The following ATIC variants were observed in gnomAD, a reference collection of about 807,000 sequenced individuals.
ATIC encodes bifunctional purine biosynthesis protein ATIC.
ATIC carries 64 observed loss-of-function variants against 72.5 expected under a neutral mutation model. The observed-to-expected ratio is 0.88, with a 90% CI of 0.72 to 1.09. The LOEUF (loss-of-function observed/expected upper bound fraction) is 1.09. Among genes scored for constraint, ATIC ranks in the 50% least tolerant of loss-of-function variants. The pLI, the probability that ATIC is intolerant of heterozygous loss-of-function variation, is 0.00. For missense variants in ATIC, 787 were observed against 732.4 expected (o/e 1.07, Z -0.86); for synonymous variants, 281 against 267.1 (o/e 1.05, Z -0.51).
At chr2:215,361,266 A>G in the ATIC span, 2 of 376,280 alleles carry the variant, frequency 5.3e-6, no homozygotes, top group South Asian at 3.2e-5. Flanking sequence ...ATGCTTTCCT[A>G]TTGATCCCAA....
At chr2:215,349,808 T>C (rs2053115607), downstream of ATIC, 1 of 1,365,106 alleles carries the variant, frequency 7.3e-7, no homozygotes, top group South Asian at 1.2e-5. Context: ...AGATGCAGGC[T>C]CTTTGAACTG....
chr2:215,326,696 G>A, intron 6 of ATIC, 126 bp from the exon 7 acceptor site: 2 of 1,121,556 alleles, frequency 1.8e-6, no homozygotes, highest in East Asian at 2.4e-5. Flanking sequence ...TGGTGTCATC[G>A]TGTTGTGCAG....
rs558922146 is a variant in ATIC at position 215,334,129 on chromosome 2, T to C, written c.922+672T>C. 2.6e-5 allele frequency among the ~76,000 whole-genome samples: 4 copies of C among 152,058 alleles called. No individual in the cohort carries two copies. The South Asian group carries it at 8.3e-4, about 32-fold the overall frequency. On this transcript the variant is annotated intron_variant, in intron 9 of 15. Coordinates refer to ENST00000236959, the MANE Select transcript of ATIC (RefSeq NM_004044.7). ...TCAATGTAATTTTGCTAATTTAGGCTATTGAATGCATTTGTTATTGTTTAA... is the reference window on the plus strand; with the variant it reads ...TCAATGTAATTTTGCTAATTTAGGCCATTGAATGCATTTGTTATTGTTTAA...
chr2:215,337,392 C>T (rs1470292864), intron 11 of ATIC, among the ~76,000 whole-genome samples: 2 of 152,016 alleles, frequency 1.3e-5, no homozygotes, highest in Admixed American at 1.3e-4. Flanking sequence ...TTTTTAGCCA[C>T]TTGACAGTCT....
chr2:215,361,844 TAA>T, the ATIC span: 171 of 1,345,352 alleles, frequency 1.3e-4, no homozygotes, highest in Admixed American at 2.7e-4. Flanking sequence ...GTGTTTCACT[TAA>T]GTCATTTATG....
chr2:215,364,106 G>C, the ATIC span, among the ~76,000 whole-genome samples: 1 of 152,132 alleles, frequency 6.6e-6, no homozygotes, highest in Non-Finnish European at 1.5e-5. Flanking sequence ...GTATTTGTCA[G>C]ACCCACTTAG....
At chr2:215,365,840 C>A in the ATIC span, 1 of 237,190 alleles carries the variant, frequency 4.2e-6, no homozygotes, top group Non-Finnish European at 7.8e-6. Flanking sequence ...AAGTCTTTCT[C>A]TGTCGCCCAG....
intron 12 of ATIC, among the ~76,000 whole-genome samples, chr2:215,343,390 G>A (rs1212429954): frequency 6.6e-6 from 1 of 152,116 alleles, no homozygotes; most frequent in Non-Finnish European, 1.5e-5. Flanking sequence ...AGACTGGAGT[G>A]CAGTGGCATG....
chr2:215,346,847 A>T lies in ATIC; in HGVS notation c.1409A>T (p.His470Leu), dbSNP rs1274839431. ...GCAAACTATTGGTGGCTTAGACACC[A>T]TCCACAAGTGCTTTCGATGAAGTTT... ...DKANYWWLRH[H>L]PQVLSMKFKT... is the part of the protein sequence containing the mutation. Residue 470 changes from histidine (H) to leucine (L), a missense_variant, in exon 14 of 16, where the codon CAT (histidine) becomes CTT (leucine). Coordinates refer to ENST00000236959, the MANE Select transcript of ATIC (RefSeq NM_004044.7). 6.2e-7 allele frequency: 1 copy of T among 1,614,224 alleles called. No individual in the cohort carries two copies. The highest frequency in any genetic ancestry group is 8.5e-7 in the Non-Finnish European group (1 of 1,180,038).
At chr2:215,350,135 A>G (rs1313952963), downstream of ATIC, among the ~76,000 whole-genome samples, 1 of 151,402 alleles carries the variant, frequency 6.6e-6, no homozygotes, top group African/African-American at 2.4e-5. Context: ...CATTTTTTTA[A>G]TTTGTTATTT....
At chr2:215,364,365 G>T in the ATIC span, 1 of 191,344 alleles carries the variant, frequency 5.2e-6, no homozygotes, top group Non-Finnish European at 1.1e-5. Flanking sequence ...GGAGTTGGAG[G>T]CCTAGAGCTA....
the ATIC span, among the ~76,000 whole-genome samples, chr2:215,366,336 A>G: frequency 6.6e-6 from 1 of 152,176 alleles, no homozygotes; most frequent in African/African-American, 2.4e-5. Flanking sequence ...ATGAAAAATC[A>G]CTTTTGGATT....
chr2:215,346,383 T>A (rs559918620), intron 13 of ATIC, among the ~76,000 whole-genome samples: 1 of 152,140 alleles, frequency 6.6e-6, no homozygotes, highest in Admixed American at 6.5e-5. Context: ...CCCAGGCTGG[T>A]CTCCTGAGCT....
intron 6 of ATIC, among the ~76,000 whole-genome samples, chr2:215,326,361 T>C (rs373598215): frequency 8.5e-5 from 13 of 152,128 alleles, no homozygotes; most frequent in Middle Eastern, 3.4e-3. Flanking sequence ...TCCTAGCACT[T>C]TGGGAGGCCG....
chr2:215,349,191 T>G lies in ATIC; in HGVS notation c.1601T>G (p.Val534Gly). ...GAATGGGTTGAGAAACTGACTGAAG[T>G]TTCTATCAGCTCTGATGCCTTCTTC... ...KKEWVEKLTE[V>G]SISSDAFFPF... is the part of the protein sequence containing the mutation. Residue 534 changes from valine (V) to glycine (G), a missense_variant, in exon 15 of 16, where the codon GTT becomes GGT. Transcript: ENST00000236959. The G allele has an allele frequency of 6.2e-7, 1 of 1,614,158 alleles. No individual in the cohort carries two copies. The highest frequency in any genetic ancestry group is 1.3e-5 in the African/African-American group (1 of 75,042).
At chr2:215,363,970 G>A in the ATIC span, among the ~76,000 whole-genome samples, 1 of 152,120 alleles carries the variant, frequency 6.6e-6, no homozygotes, top group Non-Finnish European at 1.5e-5. Flanking sequence ...GCCCACCTGG[G>A]CCAGCTCCTT....
At position 215,346,891 on chromosome 2, in the gene ATIC, G is replaced by C; in HGVS notation, c.1453G>C (p.Ala485Pro). 1 of 1,614,190 alleles carries C rather than the reference G, an allele frequency of 6.2e-7. No individual in the cohort carries two copies. Among genetic ancestry groups the C allele is most frequent in the Non-Finnish European group, 8.5e-7 (1 of 1,180,034 alleles). ...SMKFKTGVKR[A>P]EISNAIDQYV... is the part of the protein sequence containing the mutation. The stretch of plus-strand genomic sequence containing the variant: ...GAAGTTTAAAACAGGAGTGAAGAGA[G>C]CAGAAATCTCCAATGCCATCGATCA... Residue 485 changes from alanine (A) to proline (P), a missense_variant, in exon 14 of 16, where the codon GCA becomes CCA. By Grantham distance (27) the Ala-to-Pro change is conservative. Coordinates refer to ENST00000236959, the MANE Select transcript of ATIC (RefSeq NM_004044.7).
chr2:215,354,893 C>A, the ATIC span, among the ~76,000 whole-genome samples: 1 of 151,760 alleles, frequency 6.6e-6, no homozygotes, highest in Admixed American at 6.6e-5. Flanking sequence ...CTTGAGACAG[C>A]CCAGCTGATG....
chr2:215,339,829 T>G (rs1271677336), intron 12 of ATIC, among the ~76,000 whole-genome samples: 2 of 151,918 alleles, frequency 1.3e-5, no homozygotes, highest in Non-Finnish European at 2.9e-5. Flanking sequence ...GTAGAGACGG[T>G]GTTTCACTGT....
Sources: gnomAD v4.1 joint callset for allele counts (sites outside exome capture counted in the v4.1 genomes callset) on GRCh38, gnomAD v4.1.1 for gene constraint, MANE v1.5 for transcripts, NCBI Gene and HGNC (gene_info 2026-07-23, HGNC 2026-07-21) for gene names.